Variants in SAXO1 observed in about 807,000 individuals in gnomAD.
SAXO1 encodes 4930500O09Rik.
In SAXO1, 21 loss-of-function variants were observed where a neutral mutation model predicts 17.5. The ratio of observed to expected loss-of-function variants is 1.20; its 90% CI spans 0.85 to 1.72. The LOEUF (loss-of-function observed/expected upper bound fraction) is 1.72. Among genes scored for constraint, SAXO1 ranks in the 40% most tolerant of loss-of-function variants. The pLI is 0.00. For synonymous variants in SAXO1, 274 were observed against 216.5 expected (o/e 1.27, Z -2.33); for missense variants, 843 against 596.0 (o/e 1.41, Z -4.32).
At chr9:18,955,585 T>C (rs1332006410) in intron 1 of SAXO1, among the ~76,000 whole-genome samples, 1 of 152,242 alleles carries the variant, frequency 6.6e-6, no homozygotes, top group Non-Finnish European at 1.5e-5. Flanking sequence ...TATCCGTCTC[T>C]TTCTTAGGCT....
At chr9:18,964,174 A>C (rs1032636366) in intron 1 of SAXO1, among the ~76,000 whole-genome samples, 1 of 152,332 alleles carries the variant, frequency 6.6e-6, no homozygotes, top group Admixed American at 6.5e-5. Flanking sequence ...TCGGTTTGCC[A>C]GTATTTTAGT....
At chr9:18,965,776 A>T (rs1479724171) in intron 1 of SAXO1, among the ~76,000 whole-genome samples, 1 of 152,126 alleles carries the variant, frequency 6.6e-6, no homozygotes, top group Non-Finnish European at 1.5e-5. Flanking sequence ...TGTGAATTTG[A>T]TCCTGTCATT....
At chr9:19,027,291 C>G (rs553583284) in intron 1 of SAXO1, 3 of 882,444 alleles carry the variant, frequency 3.4e-6, no homozygotes, top group East Asian at 4.9e-5. Context: ...GCCAGGAGAC[C>G]TGGTGGGTGT....
At chr9:18,964,931 A>T (rs201348593) in intron 1 of SAXO1, among the ~76,000 whole-genome samples, 1 of 152,196 alleles carries the variant, frequency 6.6e-6, no homozygotes, top group African/African-American at 2.4e-5. Context: ...CTTTAGCTGT[A>T]TCCCAGAGAT....
rs1029829826 is a variant in SAXO1 at position 18,950,767 on chromosome 9, G to C, written c.209C>G (p.Thr70Ser). The C allele has an allele frequency of 1.2e-6, 2 of 1,613,180 alleles. No individual in the cohort carries two copies. Among genetic ancestry groups the C allele is most frequent in the Admixed American group, 1.7e-5 (1 of 59,950 alleles). The change falls in exon 2 of 4, where the codon ACT (threonine) becomes AGT (serine). Residue 70 changes from threonine to serine, a missense_variant. Transcript: ENST00000380534. The part of the protein sequence containing the change: ...QKGPIPMEGL[T>S]TSRRDFGPHK... ...TACTGTTTGCCCTCACCTTGATGTA[G>C]TCAGGCCTTCCATTGGTATAGGCCC...
At chr9:19,027,089 G>T in intron 1 of SAXO1, 1 of 898,502 alleles carries the variant, frequency 1.1e-6, no homozygotes, top group East Asian at 2.5e-5. Flanking sequence ...AAATCAATGT[G>T]AACAAAACCC....
At chr9:19,017,051 G>A (rs531542937) in intron 1 of SAXO1, among the ~76,000 whole-genome samples, 1 of 152,192 alleles carries the variant, frequency 6.6e-6, no homozygotes, top group South Asian at 2.1e-4. Flanking sequence ...GCTCATGCCT[G>A]TACTCCTAGC....
chr9:18,944,549 T>A (rs1007682777), intron 2 of SAXO1, among the ~76,000 whole-genome samples: 1 of 152,218 alleles, frequency 6.6e-6, no homozygotes. Flanking sequence ...TCTGTGCACA[T>A]GTGACATGAA....
intron 1 of SAXO1, among the ~76,000 whole-genome samples, chr9:18,956,166 G>T (rs1832252449): frequency 6.9e-6 from 1 of 145,532 alleles, no homozygotes; most frequent in Non-Finnish European, 1.5e-5. Context: ...GCCCAGGCTG[G>T]TCTCAAACTC....
At chr9:18,985,757 T>A (rs1347812529) in intron 1 of SAXO1, among the ~76,000 whole-genome samples, 1 of 152,222 alleles carries the variant, frequency 6.6e-6, no homozygotes, top group African/African-American at 2.4e-5. Context: ...AGGTGCAACA[T>A]GGTTTAACAA....
At chr9:18,986,326 C>A (rs562939306) in intron 1 of SAXO1, among the ~76,000 whole-genome samples, 5 of 152,276 alleles carry the variant, frequency 3.3e-5, no homozygotes, top group South Asian at 2.1e-4. Flanking sequence ...AGCCCCTGGG[C>A]AGGAATTTAT....
intron 1 of SAXO1, among the ~76,000 whole-genome samples, chr9:19,001,984 CAGAT>C (rs1353330661): frequency 1.3e-5 from 2 of 152,062 alleles, no homozygotes; most frequent in East Asian, 3.9e-4. Context: ...ATCAACAAAA[CAGAT>C]AGCCCACTAG....
intron 1 of SAXO1, among the ~76,000 whole-genome samples, chr9:19,026,148 T>C (rs947553398): frequency 1.3e-5 from 2 of 152,226 alleles, no homozygotes; most frequent in African/African-American, 2.4e-5. Flanking sequence ...TGTGAAGTGA[T>C]AGATATGCTA....
At chr9:19,046,102 AAGG>A (rs1350173996) in intron 1 of SAXO1, among the ~76,000 whole-genome samples, 4 of 151,292 alleles carry the variant, frequency 2.6e-5, no homozygotes, top group African/African-American at 9.7e-5. Flanking sequence ...AAAAAAAAAA[AAGG>A]AGAACATAAG....
intron 1 of SAXO1, among the ~76,000 whole-genome samples, chr9:18,989,886 A>G (rs1038301090): frequency 2.6e-5 from 4 of 152,190 alleles, no homozygotes; most frequent in African/African-American, 4.8e-5. Flanking sequence ...GCTCTTACAG[A>G]TTGTAACCTT....
chr9:18,962,276 C>T (rs909290955), intron 1 of SAXO1, among the ~76,000 whole-genome samples: 26 of 152,280 alleles, frequency 1.7e-4, no homozygotes, highest in African/African-American at 6.0e-4. Flanking sequence ...CCATGTTGAT[C>T]AGGCTAGTCT....
intron 2 of SAXO1, among the ~76,000 whole-genome samples, chr9:18,946,396 G>A (rs953206902): frequency 6.6e-6 from 1 of 150,616 alleles, no homozygotes; most frequent in Non-Finnish European, 1.5e-5. Flanking sequence ...CCTAAATTCT[G>A]TACATAAACT....
At chr9:18,929,127 C>A in intron 3 of SAXO1, 72 bp from the exon 4 acceptor site, 1 of 1,536,666 alleles carries the variant, frequency 6.5e-7, no homozygotes, top group Non-Finnish European at 8.8e-7. Flanking sequence ...TACAGAGCCC[C>A]AAGGTCTTAA....
intron 1 of SAXO1, among the ~76,000 whole-genome samples, chr9:18,974,232 A>T (rs988354432): frequency 2.0e-5 from 3 of 152,266 alleles, no homozygotes; most frequent in African/African-American, 7.2e-5. Flanking sequence ...AAACATGGAA[A>T]GAAGAAAGCT....
Sources: gnomAD v4.1 joint callset for allele counts (sites outside exome capture counted in the v4.1 genomes callset) on GRCh38, gnomAD v4.1.1 for gene constraint, MANE v1.5 for transcripts, NCBI Gene and HGNC (gene_info 2026-07-23, HGNC 2026-07-21) for gene names.